MON2: variants seen among roughly 807,000 people sequenced by gnomAD.
The protein encoded by MON2 is MON2 regulator of endosome-to-Golgi trafficking.
In MON2, 84 loss-of-function variants were observed where a neutral mutation model predicts 208.6. The observed-to-expected ratio is 0.40, with a 90% CI of 0.34 to 0.48. The LOEUF is 0.48. Ranked by LOEUF, MON2 falls within the 20% of genes least tolerant of loss-of-function variation. The pLI, the probability that MON2 is intolerant of heterozygous loss-of-function variation, is 0.59. For synonymous variants in MON2, 660 were observed against 694.0 expected, an observed-to-expected ratio of 0.95 and a Z score of 0.77; for missense variants, 1,611 against 2,015.4, an observed-to-expected ratio of 0.80 and a Z score of 3.84.
Position 62,560,763 on chromosome 12 carries a change from C to G in MON2, c.3682C>G (p.Pro1228Ala), listed in dbSNP as rs749781100. ...KLGRYSSSEP[P>A]IVTDELEDLN... ...AGGAAGATATAGTAGCTCTGAGCCACCCATTGTTACTGATGAGCTTGAAGA... is the reference window on the plus strand; with the variant it reads ...AGGAAGATATAGTAGCTCTGAGCCAGCCATTGTTACTGATGAGCTTGAAGA... The change falls in exon 26 of 35, where the codon CCC (proline) becomes GCC (alanine). Residue 1228 changes from proline to alanine, a missense_variant. Pro to Ala is a conservative substitution (Grantham distance 27, BLOSUM62 -1). Coordinates refer to ENST00000393630, the MANE Select transcript of MON2 (RefSeq NM_015026.3). 6.2e-7 allele frequency: 1 copy of G among 1,614,078 alleles called. No homozygotes were observed. Among genetic ancestry groups the G allele is most frequent in the East Asian group, 2.2e-5 (1 of 44,874 alleles).
At chr12:62,546,876 A>G in intron 21 of MON2, 21 bp from the exon 22 acceptor site, 1 of 1,563,158 alleles carries the variant, frequency 6.4e-7, no homozygotes, top group Non-Finnish European at 8.7e-7. Context: ...CTTCCTAATT[A>G]GTTTCTTGCC....
chr12:62,529,199 T>G (rs2072493044), intron 11 of MON2, among the ~76,000 whole-genome samples: 1 of 152,206 alleles, frequency 6.6e-6, no homozygotes, highest in Admixed American at 6.5e-5. Flanking sequence ...TTCTAATGAT[T>G]ACATAAATTT....
rs941985889 is a variant in MON2 at position 62,520,884 on chromosome 12, AT to A, written c.985-3623del. 7.7e-4 allele frequency among the ~76,000 whole-genome samples: 110 copies of A among 142,248 alleles called. 1 individual carries two copies. Among genetic ancestry groups the A allele is most frequent in the African/African-American group, 2.7e-3 (104 of 38,696 alleles). 93.3% of individuals were successfully genotyped at this position (142,248 alleles called of 152,430 possible). A position where few individuals can be genotyped will look rare whatever the true frequency, so the allele number is the denominator to read the frequency against. On this transcript the variant is annotated intron_variant, in intron 8 of 34. Transcript: ENST00000393630. Reference sequence around the variant, plus strand: ...ATATTATATAATATGTAAAGATATTATTTTTTTTGAGACTCCATCTCAAAAA... The same window carrying A: ...ATATTATATAATATGTAAAGATATTATTTTTTTGAGACTCCATCTCAAAAA...
At chr12:62,536,623 T>C (rs1468598014) in intron 14 of MON2, among the ~76,000 whole-genome samples, 1 of 152,146 alleles carries the variant, frequency 6.6e-6, no homozygotes, top group Non-Finnish European at 1.5e-5. Flanking sequence ...TTTTATGTTG[T>C]ATAGAAAATT....
chr12:62,495,186 G>A (rs1212947182), intron 4 of MON2, 39 bp downstream of exon 4: 1 of 1,542,852 alleles, frequency 6.5e-7, no homozygotes, highest in Admixed American at 1.9e-5. Flanking sequence ...TGTGCTTTGA[G>A]ACAGTATTTG....
rs2075546922 is a variant in MON2, at chr12:62,597,333, C to T, written c.*4584C>T. 1 of 152,104 alleles carries T rather than the reference C, an allele frequency of 6.6e-6. No individual in the cohort carries two copies. The highest frequency in any genetic ancestry group is 2.4e-5 in the African/African-American group (1 of 41,420). 9.4% of individuals were successfully genotyped at this position (152,104 alleles called of 1,614,324 possible). The stretch of plus-strand genomic sequence containing the variant: ...ATTCCTCTTTCATTCTCTGCCTCTT[C>T]TCTTTCAGCTCTTTCTCTAATTGTG... On this transcript the variant is annotated 3_prime_UTR_variant, in exon 35 of 35. Coordinates refer to ENST00000393630, the MANE Select transcript of MON2 (RefSeq NM_015026.3).
At chr12:62,524,107 G>A (rs966381331) in intron 8 of MON2, among the ~76,000 whole-genome samples, 1 of 152,004 alleles carries the variant, frequency 6.6e-6, no homozygotes, top group African/African-American at 2.4e-5. Context: ...TTGCCTCTTT[G>A]TTTCTTTAGT....
At chr12:62,581,737 A>G (rs898201273) in intron 32 of MON2, among the ~76,000 whole-genome samples, 7 of 152,168 alleles carry the variant, frequency 4.6e-5, no homozygotes, top group African/African-American at 1.7e-4. Flanking sequence ...AGGCTGAGGC[A>G]GGAAAATTGC....
At chr12:62,504,919 A>G (rs189356090) in intron 7 of MON2, among the ~76,000 whole-genome samples, 64 of 152,346 alleles carry the variant, frequency 4.2e-4, no homozygotes, top group Admixed American at 2.6e-4. Context: ...AGTTGGTGAT[A>G]AATCAAGGAT....
intron 21 of MON2, among the ~76,000 whole-genome samples, 188 bp downstream of exon 21, chr12:62,545,196 T>A (rs899908313): frequency 2.6e-5 from 4 of 152,088 alleles, no homozygotes; most frequent in Admixed American, 2.6e-4. Flanking sequence ...TCATAAAAAA[T>A]TTTAAACATC....
chr12:62,576,865 T>C (rs1465606994), intron 30 of MON2, among the ~76,000 whole-genome samples: 3 of 151,820 alleles, frequency 2.0e-5, no homozygotes, highest in Non-Finnish European at 4.4e-5. Context: ...ATCCAAATAA[T>C]ATTAATATTA....
chr12:62,566,747 G>A (rs1346186529), intron 29 of MON2, among the ~76,000 whole-genome samples: 1 of 128,692 alleles, frequency 7.8e-6, no homozygotes, highest in Non-Finnish European at 1.6e-5. Context: ...TGGGGTGGGG[G>A]GAGGGGGAGG....
rs538099127 is a variant in MON2 at position 62,545,162 on chromosome 12, G to A, written c.2577+154G>A. ...TGTAGGCCCTGAATCTCTTACATAA[G>A]GTAAGAGATTTTTAGGGCTGTTTTC... On this transcript the variant is annotated intron_variant, in intron 21 of 34. Transcript: ENST00000393630. Among the ~76,000 whole-genome samples, 4 of 151,984 alleles carry A rather than the reference G, an allele frequency of 2.6e-5. No individual in the cohort carries two copies. In the East Asian group the frequency reaches 7.7e-4, roughly 29 times the overall value.
Position 62,577,112 on chromosome 12 carries a change from C to T in MON2, c.4515-1333C>T, listed in dbSNP as rs373141211. 2.6e-5 allele frequency among the ~76,000 whole-genome samples: 4 copies of T among 151,950 alleles called. No individual in the cohort carries two copies. The East Asian group carries it at 7.7e-4, about 29-fold the overall frequency. On this transcript the variant is annotated intron_variant, in intron 30 of 34. Coordinates refer to ENST00000393630, the MANE Select transcript of MON2 (RefSeq NM_015026.3). ...TTAATATTACTAAACCCTTACCTTC[C>T]TTGGTTATAAATTAAAATTAAACAC... is the stretch of plus-strand genomic sequence containing the variant.
At chr12:62,576,963 TA>T (rs1342855584) in intron 30 of MON2, among the ~76,000 whole-genome samples, 1 of 151,792 alleles carries the variant, frequency 6.6e-6, no homozygotes, top group Non-Finnish European at 1.5e-5. Flanking sequence ...TATATTTCTA[TA>T]AACACTAATA....
intron 26 of MON2, among the ~76,000 whole-genome samples, chr12:62,563,078 A>C (rs1402359842): frequency 6.6e-6 from 1 of 152,170 alleles, no homozygotes; most frequent in African/African-American, 2.4e-5. Flanking sequence ...CCATATCTGC[A>C]TTAATCACCG....
Position 62,466,988 on chromosome 12 carries a change from A to G in MON2, c.-220A>G. ...GCCAGAGTCGGCGGAGCCTAGCGGG[A>G]CGGTGCGACTGCGGGGGGCGCCTCC... On this transcript the variant is annotated 5_prime_UTR_variant, in exon 1 of 35. Transcript: ENST00000393630. 3.9e-6 allele frequency: 2 copies of G among 518,488 alleles called. No individual in the cohort carries two copies. The highest frequency in any genetic ancestry group is 6.9e-6 in the Non-Finnish European group (2 of 291,660). The allele number at this position is 518,488 out of a possible 1,614,324, so 32.1% of individuals were successfully genotyped here.
At position 62,593,009 on chromosome 12, in the gene MON2, C is replaced by A. The variant is rs1017571624; in HGVS notation, c.*260C>A. On this transcript the variant is annotated 3_prime_UTR_variant, in exon 35 of 35. Transcript: ENST00000393630. ...AATTAACACTACAGTATACATGCTA[C>A]CATATCTCCAGTTGGTGATTTAAAG... 3.5e-5 allele frequency: 10 copies of A among 282,072 alleles called. No homozygotes were observed. The highest frequency in any genetic ancestry group is 2.1e-4 in the African/African-American group (10 of 46,786). 17.5% of individuals were successfully genotyped at this position (282,072 alleles called of 1,614,324 possible).
In MON2 at chr12:62,598,416, T is replaced by A. The variant is rs1027225605; in HGVS notation, c.*5667T>A. ...ATATATTAACAACTGCTTCCTTCTA[T>A]GATGTTTACTAGATGGAGAAAAATA... On this transcript the variant is annotated 3_prime_UTR_variant, in exon 35 of 35. Coordinates refer to ENST00000393630, the MANE Select transcript of MON2 (RefSeq NM_015026.3). The A allele has an allele frequency of 6.6e-6, 1 of 152,152 alleles. No homozygotes were observed. Among genetic ancestry groups the A allele is most frequent in the African/African-American group, 2.4e-5 (1 of 41,458 alleles). The allele number at this position is 152,152 out of a possible 1,614,324, so 9.4% of individuals were successfully genotyped here.
Sources: allele counts gnomAD v4.1 joint callset (sites outside exome capture counted in the v4.1 genomes callset), GRCh38; gene constraint gnomAD v4.1.1; transcripts MANE v1.5; gene names NCBI Gene and HGNC (gene_info 2026-07-23, HGNC 2026-07-21).